TXNDC5: variants seen among roughly 807,000 people sequenced by gnomAD.
TXNDC5 encodes thioredoxin domain-containing protein 5.
A neutral mutation model predicts 52.6 loss-of-function variants in TXNDC5; 44 were observed. The observed-to-expected ratio is 0.84, with a 90% CI of 0.66 to 1.08. TXNDC5 has a LOEUF of 1.08. Ranked by LOEUF, TXNDC5 falls within the 50% of genes least tolerant of loss-of-function variation. The probability of loss-of-function intolerance (pLI) is 0.00; values close to 1 mark genes in which losing one functional copy is unlikely to be tolerated. For missense variants in TXNDC5, 600 were observed against 565.5 expected (o/e 1.06, Z -0.62); for synonymous variants, 241 against 234.4 (o/e 1.03, Z -0.26).
intron 1 of TXNDC5, among the ~76,000 whole-genome samples, chr6:7,906,086 A>T (rs909531066): frequency 1.3e-5 from 2 of 152,092 alleles, no homozygotes; most frequent in South Asian, 2.1e-4. Context: ...AAAAAATTTT[A>T]AAAAATTAGC....
chr6:7,892,615 C>A (rs909977648), intron 4 of TXNDC5, among the ~76,000 whole-genome samples: 1 of 152,218 alleles, frequency 6.6e-6, no homozygotes, highest in Non-Finnish European at 1.5e-5. Flanking sequence ...GGGGACAGGT[C>A]TTTCCCATGC....
rs1447087908 is a variant in TXNDC5 at position 7,884,477 on chromosome 6, C to A, written c.1058G>T (p.Cys353Phe). The A allele has an allele frequency of 5.6e-6, 9 of 1,614,110 alleles. No individual in the cohort carries two copies. Among genetic ancestry groups the A allele is most frequent in the Non-Finnish European group, 7.6e-6 (9 of 1,179,978 alleles). Residue 353 changes from cysteine to phenylalanine, a missense_variant, in exon 9 of 10, where the codon TGT becomes TTT. Physicochemically the swap from Cys to Phe is radical, Grantham distance 205. Coordinates refer to ENST00000379757, the MANE Select transcript of TXNDC5 (RefSeq NM_030810.5). Reference protein sequence around the residue: ...IKFYAPWCGHCKTLAPTWEEL... With the variant: ...IKFYAPWCGHFKTLAPTWEEL... ...CTCCCAAGTAGGAGCCAGAGTCTTA[C>A]AATGACCACACCTAAGACGAGAAAA... is the stretch of plus-strand genomic sequence containing the variant.
At chr6:7,905,520 AC>A (rs1233722370) in intron 1 of TXNDC5, among the ~76,000 whole-genome samples, 11 of 152,194 alleles carry the variant, frequency 7.2e-5, no homozygotes, top group Non-Finnish European at 1.5e-4. Context: ...TTTTAAAATC[AC>A]CCATCATTTA....
Position 7,899,681 on chromosome 6 carries a change from G to C in TXNDC5, c.414C>G (p.Thr138=). 6.2e-7 allele frequency: 1 copy of C among 1,613,308 alleles called. No homozygotes were observed. Among genetic ancestry groups the C allele is most frequent in the Non-Finnish European group, 8.5e-7 (1 of 1,179,512 alleles). The change falls in exon 3 of 10, where the codon ACC becomes ACG. Residue 138 remains threonine, a splice_region_variant and synonymous_variant. Coordinates refer to ENST00000379757, the MANE Select transcript of TXNDC5 (RefSeq NM_030810.5). ...CTTGGCCTGGCTTGAAAAGCTTTAA[G>C]CTGAAAGAATAACAAAGGATTAGAC... ...CSAQGVRGYP[T]LKLFKPGQEA...
chr6:7,896,826 G>A (rs35524402), intron 3 of TXNDC5, among the ~76,000 whole-genome samples: 4,252 of 152,290 alleles, frequency 0.028, 83 homozygotes, highest in African/African-American at 0.06. Flanking sequence ...GCAGTCCCCC[G>A]GCATGGGAAC....
At chr6:7,907,343 CCAACTCTGAGACAGGCAGCTG>C (rs1220374491) in intron 1 of TXNDC5, among the ~76,000 whole-genome samples, 1 of 152,044 alleles carries the variant, frequency 6.6e-6, no homozygotes, top group Non-Finnish European at 1.5e-5. Context: ...GCTACAGCAC[CCAACTCTGAGACAGGCAGCTG>C]CACTCAGAAG....
chr6:7,892,465 C>A (rs1355383117), intron 4 of TXNDC5, among the ~76,000 whole-genome samples: 1 of 152,232 alleles, frequency 6.6e-6, no homozygotes, highest in Non-Finnish European at 1.5e-5. Flanking sequence ...AACACATACA[C>A]ATATAGAACT....
At chr6:7,910,049 G>T (rs757946767) in intron 1 of TXNDC5, 103 of 986,004 alleles carry the variant, frequency 1.0e-4, no homozygotes, top group Non-Finnish European at 1.2e-4. Flanking sequence ...CCCCTCCCTC[G>T]GTGCCGAGGT....
intron 3 of TXNDC5, among the ~76,000 whole-genome samples, chr6:7,897,467 T>C (rs1398943173): frequency 6.6e-6 from 1 of 152,242 alleles, no homozygotes; most frequent in Non-Finnish European, 1.5e-5. Context: ...AAAGTGTATA[T>C]ACTTAAACTT....
At chr6:7,890,389 C>T (rs1163690082) in intron 5 of TXNDC5, among the ~76,000 whole-genome samples, 3 of 152,152 alleles carry the variant, frequency 2.0e-5, no homozygotes, top group Non-Finnish European at 4.4e-5. Flanking sequence ...AGCCCAAGGT[C>T]GGGAGAGGAC....
intron 1 of TXNDC5, among the ~76,000 whole-genome samples, chr6:7,906,471 G>A (rs1231968725): frequency 1.4e-5 from 2 of 142,830 alleles, no homozygotes; most frequent in Admixed American, 7.8e-5. Context: ...GGGAGGCGGA[G>A]GTTGCAGTGA....
chr6:7,890,460 G>A (rs1018794106), intron 5 of TXNDC5, among the ~76,000 whole-genome samples: 3 of 152,150 alleles, frequency 2.0e-5, no homozygotes, highest in Admixed American at 6.5e-5. Flanking sequence ...GGGCTTCAGC[G>A]TGGTCACCTG....
chr6:7,883,030 G>GT lies in TXNDC5; in HGVS notation c.*113dup, dbSNP rs1230956884. The GT allele has an allele frequency of 6.2e-5, 89 of 1,427,634 alleles. No homozygotes were observed. Among genetic ancestry groups the GT allele is most frequent in the Non-Finnish European group, 8.5e-5 (88 of 1,033,054 alleles). 88.4% of individuals were successfully genotyped at this position (1,427,634 alleles called of 1,614,324 possible). A position where few individuals can be genotyped will look rare whatever the true frequency, so the allele number is the denominator to read the frequency against. On this transcript the variant is annotated 3_prime_UTR_variant, in exon 10 of 10. Coordinates refer to ENST00000379757, the MANE Select transcript of TXNDC5 (RefSeq NM_030810.5). ...ACACAAAGAAGATACCTCACGCTTA[G>GT]TATGTTCTGCTTTCTGAACAGCCAC...
chr6:7,891,247 C>T (rs1443077280), intron 5 of TXNDC5, among the ~76,000 whole-genome samples: 1 of 152,096 alleles, frequency 6.6e-6, no homozygotes, highest in African/African-American at 2.4e-5. Context: ...AGCACAGAGC[C>T]AGGGTCCTTT....
At position 7,910,698 on chromosome 6, in the gene TXNDC5, CCAGCAGCAG is replaced by C; in HGVS notation, c.70_78del (p.Leu24_Leu26del). On this transcript the variant is annotated inframe_deletion, in exon 1 of 10. Transcript: ENST00000379757. Reference sequence around the variant, plus strand: ...CCCCAGCGCCCGCCGCCGCCATGGCCCAGCAGCAGCAGCAGCAGCGCAGTCAGGGCCGCC... The same window carrying C: ...CCCCAGCGCCCGCCGCCGCCATGGCCCAGCAGCAGCGCAGTCAGGGCCGCC... 9.1e-7 allele frequency: 1 copy of C among 1,092,914 alleles called. No homozygotes were observed. The highest frequency in any genetic ancestry group is 1.1e-6 in the Non-Finnish European group (1 of 901,554). The allele number at this position is 1,092,914 out of a possible 1,614,324, so 67.7% of individuals were successfully genotyped here. A position where few individuals can be genotyped will look rare whatever the true frequency, so the allele number is the denominator to read the frequency against.
At position 7,883,194 on chromosome 6, in the gene TXNDC5, G is replaced by C. The variant is rs1472964802; in HGVS notation, c.1249C>G (p.Leu417Val). The C allele has an allele frequency of 8.7e-6, 14 of 1,614,210 alleles. No individual in the cohort carries two copies. The highest frequency in any genetic ancestry group is 1.1e-5 in the Non-Finnish European group (13 of 1,180,034). Residue 417 changes from leucine to valine, a missense_variant, in exon 10 of 10, where the codon CTT becomes GTT. Transcript: ENST00000379757. The stretch of plus-strand genomic sequence containing the variant: ...AGGACAAAGCGGTGTAACGAGTCAA[G>C]GTCTCTGCCTCCACTGTGCTCACTG... The part of the protein sequence containing the change: ...KVSEHSGGRD[L>V]DSLHRFVLSQ...
Position 7,891,703 on chromosome 6 carries a change from C to G in TXNDC5, c.650G>C (p.Cys217Ser). 6.2e-7 allele frequency: 1 copy of G among 1,613,892 alleles called. No individual in the cohort carries two copies. The highest frequency in any genetic ancestry group is 8.5e-7 in the Non-Finnish European group (1 of 1,179,860). The change falls in exon 5 of 10, where the codon TGT (cysteine) becomes TCT (serine). Residue 217 changes from cysteine (C) to serine (S), a missense_variant. Transcript: ENST00000379757. ...DHFIKFFAPW[C>S]GHCKALAPTW... Reference sequence around the variant, plus strand: ...TGGAGCCAGGGCTTTGCAGTGACCACACCACGGAGCGAAGAACTTGATAAA... The same window carrying G: ...TGGAGCCAGGGCTTTGCAGTGACCAGACCACGGAGCGAAGAACTTGATAAA...
intron 3 of TXNDC5, among the ~76,000 whole-genome samples, chr6:7,897,916 A>T (rs189784950): frequency 8.5e-5 from 13 of 152,356 alleles, no homozygotes; most frequent in South Asian, 4.1e-4. Flanking sequence ...AAACTATGAA[A>T]GTCACACCTG....
chr6:7,888,288 C>A (rs2113326785), intron 7 of TXNDC5, among the ~76,000 whole-genome samples: 1 of 152,258 alleles, frequency 6.6e-6, no homozygotes, highest in African/African-American at 2.4e-5. Context: ...TTCTAGGGGC[C>A]TTTACAACGG....
Sources: allele counts gnomAD v4.1 joint callset (sites outside exome capture counted in the v4.1 genomes callset), GRCh38; gene constraint gnomAD v4.1.1; transcripts MANE v1.5; gene names NCBI Gene and HGNC (gene_info 2026-07-23, HGNC 2026-07-21).